NEDD4L: variants seen among roughly 807,000 people sequenced by gnomAD.
The protein encoded by NEDD4L is E3 ubiquitin-protein ligase NEDD4-like.
NEDD4L carries 54 observed loss-of-function variants against 148.9 expected under a neutral mutation model. That is an observed-to-expected ratio of 0.36 (90% CI 0.29 to 0.45). The LOEUF (loss-of-function observed/expected upper bound fraction) is 0.45. Ranked by LOEUF, NEDD4L falls within the 20% of genes least tolerant of loss-of-function variation. The pLI, the probability that NEDD4L is intolerant of heterozygous loss-of-function variation, is 1.00. For missense variants in NEDD4L, 856 were observed against 1,233.8 expected, an observed-to-expected ratio of 0.69 and a Z score of 4.59; for synonymous variants, 433 against 440.7, an observed-to-expected ratio of 0.98 and a Z score of 0.22.
intron 19 of NEDD4L, among the ~76,000 whole-genome samples, chr18:58,359,596 G>A (rs138260034): frequency 2.6e-5 from 4 of 152,202 alleles, no homozygotes; most frequent in Non-Finnish European, 5.9e-5. Flanking sequence ...ACCAAATGTA[G>A]ACAAATTTCT....
chr18:58,239,659 G>A (rs1348163622), intron 2 of NEDD4L, among the ~76,000 whole-genome samples: 1 of 152,222 alleles, frequency 6.6e-6, no homozygotes, highest in Non-Finnish European at 1.5e-5. Context: ...TGGTCAGGAC[G>A]ACTGTCCCTG....
At chr18:58,220,855 G>C (rs1291855676) in intron 2 of NEDD4L, among the ~76,000 whole-genome samples, 2 of 152,024 alleles carry the variant, frequency 1.3e-5, no homozygotes, top group African/African-American at 2.4e-5. Context: ...GTAGAGTAAG[G>C]GTGGTCAGGT....
intron 24 of NEDD4L, among the ~76,000 whole-genome samples, chr18:58,381,367 C>T (rs2048307403): frequency 6.6e-6 from 1 of 152,192 alleles, no homozygotes; most frequent in Non-Finnish European, 1.5e-5. Context: ...CCCCTCCCCA[C>T]TTTGTCTGTG....
At chr18:58,313,403 A>G (rs1238994115) in intron 5 of NEDD4L, among the ~76,000 whole-genome samples, 1 of 152,224 alleles carries the variant, frequency 6.6e-6, no homozygotes, top group African/African-American at 2.4e-5. Context: ...TAGTGTAAAG[A>G]TAACATAGCA....
intron 2 of NEDD4L, among the ~76,000 whole-genome samples, chr18:58,201,158 C>T (rs1568376374): frequency 1.3e-5 from 2 of 152,152 alleles, no homozygotes; most frequent in Non-Finnish European, 2.9e-5. Flanking sequence ...CGTGGTGAAA[C>T]CCCATCTCTA....
At chr18:58,332,171 A>G (rs568829654) in intron 11 of NEDD4L, among the ~76,000 whole-genome samples, 20 of 152,352 alleles carry the variant, frequency 1.3e-4, no homozygotes, top group African/African-American at 4.6e-4. Flanking sequence ...TTTTTTCAGC[A>G]ATAATCATAA....
intron 11 of NEDD4L, 75 bp downstream of exon 11, chr18:58,330,989 AC>A: frequency 6.9e-7 from 1 of 1,453,530 alleles, no homozygotes; most frequent in Non-Finnish European, 9.5e-7. Flanking sequence ...AGAATCTCTT[AC>A]GTAAATAGTG....
Position 58,283,225 on chromosome 18 carries a change from G to A in NEDD4L, c.297+31171G>A, listed in dbSNP as rs187041949. On this transcript the variant is annotated intron_variant, in intron 5 of 30. Coordinates refer to ENST00000400345, the MANE Select transcript of NEDD4L (RefSeq NM_001144967.3). ...TGAGTAGCTGGGATTACAGGTGCAC[G>A]CCACCACACCTGGCTAATTTCTGTA... Among the ~76,000 whole-genome samples, 1,102 of 152,200 alleles carry A rather than the reference G, an allele frequency of 7.2e-3. 7 individuals carry two copies. The highest frequency in any genetic ancestry group is 0.031 in the South Asian group (150 of 4,810).
chr18:58,087,137 C>T (rs1448821927), intron 1 of NEDD4L, among the ~76,000 whole-genome samples: 1 of 152,246 alleles, frequency 6.6e-6, no homozygotes, highest in Non-Finnish European at 1.5e-5. Flanking sequence ...TGGATTTTTT[C>T]CTGACTTCTT....
At chr18:58,054,138 G>A (rs1172189150) in intron 1 of NEDD4L, among the ~76,000 whole-genome samples, 2 of 152,296 alleles carry the variant, frequency 1.3e-5, no homozygotes, top group African/African-American at 4.8e-5. Context: ...GAAAATGCAA[G>A]TAACCCTAAT....
chr18:58,349,134 C>T (rs1032516523), intron 16 of NEDD4L, among the ~76,000 whole-genome samples: 5 of 152,066 alleles, frequency 3.3e-5, no homozygotes, highest in Non-Finnish European at 7.4e-5. Context: ...TAGGCTGGCT[C>T]CCCTCACCGG....
At chr18:58,180,380 G>A (rs1262082197) in intron 2 of NEDD4L, among the ~76,000 whole-genome samples, 1 of 151,638 alleles carries the variant, frequency 6.6e-6, no homozygotes, top group South Asian at 2.1e-4. Context: ...TTAGCACATG[G>A]CGCTAAGATT....
intron 5 of NEDD4L, among the ~76,000 whole-genome samples, chr18:58,276,476 T>G (rs530532412): frequency 1.3e-5 from 2 of 152,250 alleles, no homozygotes; most frequent in East Asian, 3.9e-4. Context: ...TTCAAAGTGC[T>G]GGAATTACAG....
At chr18:58,093,908 T>TGCTA (rs111816917) in intron 1 of NEDD4L, among the ~76,000 whole-genome samples, 14,855 of 152,212 alleles carry the variant, frequency 0.098, 888 homozygotes, top group Admixed American at 0.16. Flanking sequence ...CCCCACTGAA[T>TGCTA]GCTAGAGCAA....
intron 5 of NEDD4L, among the ~76,000 whole-genome samples, chr18:58,301,288 A>G (rs961663165): frequency 6.6e-6 from 1 of 152,158 alleles, no homozygotes; most frequent in African/African-American, 2.4e-5. Flanking sequence ...TTCTAGTAAA[A>G]TTCAGCCCAT....
chr18:58,290,710 CA>C (rs1164413958), intron 5 of NEDD4L, among the ~76,000 whole-genome samples: 4 of 150,332 alleles, frequency 2.7e-5, no homozygotes. Flanking sequence ...GACTGTGGAC[CA>C]AAATTTTAGT....
At chr18:58,205,744 A>C (rs1197071158) in intron 2 of NEDD4L, among the ~76,000 whole-genome samples, 13 of 152,044 alleles carry the variant, frequency 8.6e-5, no homozygotes, top group Non-Finnish European at 1.3e-4. Context: ...AAAAAAAAAA[A>C]AACTCCCAAA....
rs749703355 is a variant in NEDD4L at position 58,044,666 on chromosome 18, G to T, written c.6G>T (p.Ala2=). Residue 2 remains alanine (A), a synonymous_variant, in exon 1 of 31, where the codon GCG becomes GCT. Transcript: ENST00000400345. The stretch of plus-strand genomic sequence containing the variant: ...CCGCGCGGGGCGCCGGCTCCATGGC[G>T]ACCGGGCTCGGGGAGCCGGTCTATG... The part of the protein sequence containing the change: M[A]TGLGEPVYGL... 1 of 1,601,674 alleles carries T rather than the reference G, an allele frequency of 6.2e-7. No homozygotes were observed. The highest frequency in any genetic ancestry group is 8.5e-7 in the Non-Finnish European group (1 of 1,174,538).
At chr18:58,129,924 G>T (rs965443815) in intron 1 of NEDD4L, among the ~76,000 whole-genome samples, 6 of 147,596 alleles carry the variant, frequency 4.1e-5, no homozygotes, top group Non-Finnish European at 8.9e-5. Context: ...TTGTGATCTA[G>T]TGGAACTGTG....
Sources: allele counts gnomAD v4.1 joint callset (sites outside exome capture counted in the v4.1 genomes callset), GRCh38; gene constraint gnomAD v4.1.1; transcripts MANE v1.5; gene names NCBI Gene and HGNC (gene_info 2026-07-23, HGNC 2026-07-21).